The following KCNQ3 variants were observed in gnomAD, a reference collection of about 807,000 sequenced individuals.
KCNQ3 encodes the protein potassium voltage-gated channel subfamily KQT member 3.
A neutral mutation model predicts 92.5 loss-of-function variants in KCNQ3; 30 were observed. That is an observed-to-expected ratio of 0.32 (90% CI 0.24 to 0.44). The LOEUF is 0.44. Among genes scored for constraint, KCNQ3 ranks in the 20% least tolerant of loss-of-function variants. KCNQ3 has a pLI of 1.00. For synonymous variants in KCNQ3, 450 were observed against 468.8 expected (o/e 0.96, Z 0.52); for missense variants, 913 against 1,140.3 (o/e 0.80, Z 2.87).
At chr8:132,131,989 G>T (rs1824895315) in intron 14 of KCNQ3, among the ~76,000 whole-genome samples, 191 bp downstream of exon 14, 1 of 152,062 alleles carries the variant, frequency 6.6e-6, no homozygotes, top group African/African-American at 2.4e-5. Context: ...TCAGGAGGCT[G>T]AGGCAGGAGA....
At chr8:132,371,624 G>T (rs1819475553) in intron 1 of KCNQ3, among the ~76,000 whole-genome samples, 1 of 152,162 alleles carries the variant, frequency 6.6e-6, no homozygotes, top group Admixed American at 6.5e-5. Context: ...TTATAAGTGG[G>T]GACAAGTATC....
intron 1 of KCNQ3, among the ~76,000 whole-genome samples, chr8:132,285,555 T>A (rs1816655695): frequency 6.6e-6 from 1 of 152,198 alleles, no homozygotes; most frequent in Non-Finnish European, 1.5e-5. Context: ...CTGTTTACAG[T>A]GAGCTGCTAG....
At chr8:132,245,814 A>C (rs1007199571) in intron 1 of KCNQ3, among the ~76,000 whole-genome samples, 1 of 152,230 alleles carries the variant, frequency 6.6e-6, no homozygotes, top group Non-Finnish European at 1.5e-5. Flanking sequence ...ATCCTTGTAC[A>C]TGCCTTCCTA....
rs1476334493 is a variant in KCNQ3, at chr8:132,480,468, C to T, written c.65G>A (p.Gly22Asp). The T allele has an allele frequency of 8.0e-7, 1 of 1,247,582 alleles. No homozygotes were observed. Among genetic ancestry groups the T allele is most frequent in the Non-Finnish European group, 1.0e-6 (1 of 1,001,556 alleles). 77.3% of individuals were successfully genotyped at this position (1,247,582 alleles called of 1,614,324 possible). ...TCCGGCTGGGTTAGCCGCCCCGCCGCCTCCGCCGCCCCCGTCGCCGCCGCC... is the reference window on the plus strand; with the variant it reads ...TCCGGCTGGGTTAGCCGCCCCGCCGTCTCCGCCGCCCCCGTCGCCGCCGCC... Reference protein sequence around the residue: ...AGGGGDGGGGGGGAANPAGGD... With the variant: ...AGGGGDGGGGDGGAANPAGGD... The change falls in exon 1 of 15, where the codon GGC (glycine) becomes GAC (aspartate). Residue 22 changes from glycine (G) to aspartate (D), a missense_variant. By Grantham distance (94) the Gly-to-Asp change is moderately conservative. This residue lies in a region of KCNQ3 where 183 missense variants were observed against 167.7 expected (regional missense o/e 1.09). Transcript: ENST00000388996.
At chr8:132,273,763 T>C (rs1816238384) in intron 1 of KCNQ3, among the ~76,000 whole-genome samples, 1 of 152,242 alleles carries the variant, frequency 6.6e-6, no homozygotes, top group Admixed American at 6.5e-5. Flanking sequence ...TTCTGCCAGA[T>C]ACTCTAAATA....
chr8:132,298,062 CAG>C (rs951725446), intron 1 of KCNQ3, among the ~76,000 whole-genome samples: 11 of 152,184 alleles, frequency 7.2e-5, no homozygotes, highest in African/African-American at 2.7e-4. Flanking sequence ...ACCCAGACTG[CAG>C]AGTGTTCTGG....
chr8:132,169,079 A>G (rs889884335), intron 8 of KCNQ3, among the ~76,000 whole-genome samples: 2 of 152,166 alleles, frequency 1.3e-5, no homozygotes, highest in Non-Finnish European at 2.9e-5. Flanking sequence ...GAAAGCCTCC[A>G]GATGTAGCTG....
At position 132,278,091 on chromosome 8, in the gene KCNQ3, A is replaced by G. The variant is rs141321934; in HGVS notation, c.387-91910T>C. On this transcript the variant is annotated intron_variant, in intron 1 of 14. Coordinates refer to ENST00000388996, the MANE Select transcript of KCNQ3 (RefSeq NM_004519.4). ...CACCAAAATCTGTCCATCCTCAAAG[A>G]CCATGAGATTTCCACAGTACCACAT... 6.1e-6 allele frequency: 6 copies of G among 985,332 alleles called. No homozygotes were observed. The African/African-American group carries it at 7.0e-5, about 11-fold the overall frequency. The allele number at this position is 985,332 out of a possible 1,614,324, so 61.0% of individuals were successfully genotyped here.
intron 9 of KCNQ3, among the ~76,000 whole-genome samples, chr8:132,154,192 A>ATTTTTT (rs1563775830): frequency 9.6e-6 from 1 of 104,472 alleles, no homozygotes; most frequent in African/African-American, 3.3e-5. Context: ...AAAGGGTAAA[A>ATTTTTT]GTTTTTTTTT....
chr8:132,183,840 A>G (rs188241233), intron 3 of KCNQ3, among the ~76,000 whole-genome samples: 1 of 152,334 alleles, frequency 6.6e-6, no homozygotes, highest in East Asian at 1.9e-4. Flanking sequence ...TCAGCCAGCA[A>G]CGGTGTCACG....
intron 1 of KCNQ3, among the ~76,000 whole-genome samples, chr8:132,358,386 C>T (rs1819073249): frequency 6.6e-6 from 1 of 152,090 alleles, no homozygotes; most frequent in Non-Finnish European, 1.5e-5. Flanking sequence ...ACAGAGAATT[C>T]CTTTAGTCTC....
chr8:132,375,273 T>C (rs970243626), intron 1 of KCNQ3, among the ~76,000 whole-genome samples: 8 of 152,214 alleles, frequency 5.3e-5, no homozygotes, highest in African/African-American at 1.7e-4. Context: ...CCTGTTTGCA[T>C]AAATAACATA....
intron 1 of KCNQ3, among the ~76,000 whole-genome samples, chr8:132,323,584 G>A (rs116374763): frequency 0.017 from 2,637 of 152,216 alleles, 83 homozygotes; most frequent in African/African-American, 0.06. Flanking sequence ...GAAAATGGCC[G>A]TAGGTGCTAA....
chr8:132,393,515 G>A (rs954843563), intron 1 of KCNQ3, among the ~76,000 whole-genome samples: 6 of 152,150 alleles, frequency 3.9e-5, no homozygotes, highest in Admixed American at 2.6e-4. Context: ...GTGGTGAGTC[G>A]GGGCTGGCCT....
chr8:132,458,787 A>G (rs529271847), intron 1 of KCNQ3, among the ~76,000 whole-genome samples: 36 of 152,356 alleles, frequency 2.4e-4, no homozygotes, highest in Non-Finnish European at 4.9e-4. Flanking sequence ...AAATACTGAT[A>G]CTGTAGTACA....
chr8:132,327,304 A>G (rs568130121), intron 1 of KCNQ3, among the ~76,000 whole-genome samples: 9 of 152,170 alleles, frequency 5.9e-5, no homozygotes, highest in South Asian at 2.1e-4. Flanking sequence ...ACACTCTAAA[A>G]CCTTTTTTGC....
In KCNQ3 at chr8:132,129,813, T is replaced by A; in HGVS notation, c.2068A>T (p.Thr690Ser). The A allele has an allele frequency of 6.2e-7, 1 of 1,614,178 alleles. No individual in the cohort carries two copies. The highest frequency in any genetic ancestry group is 8.5e-7 in the Non-Finnish European group (1 of 1,180,020). The change falls in exon 15 of 15, where the codon ACA becomes TCA. Residue 690 changes from threonine (T) to serine (S), a missense_variant. Coordinates refer to ENST00000388996, the MANE Select transcript of KCNQ3 (RefSeq NM_004519.4). The surrounding 1 kb of genome is among the most constrained non-coding windows in gnomAD (Gnocchi z 5.9). The stretch of plus-strand genomic sequence containing the variant: ...CTGTAGGGTGGTTCCGGGGGGCCTG[T>A]CTCAGAATAGTTGCAGATGATGGTT... ...LKTIICNYSE[T>S]GPPEPPYSFH...
At position 132,125,164 on chromosome 8, in the gene KCNQ3, C is replaced by A. The variant is rs982894685; in HGVS notation, c.*4098G>T. 1 of 152,142 alleles carries A rather than the reference C, an allele frequency of 6.6e-6. No homozygotes were observed. Among genetic ancestry groups the A allele is most frequent in the Non-Finnish European group, 1.5e-5 (1 of 68,042 alleles). 9.4% of individuals were successfully genotyped at this position (152,142 alleles called of 1,614,324 possible). Reference sequence around the variant, plus strand: ...CTTCCTCAGATTCCCTAGAATCCCCCCTTTTTGCACAGCTTCTCTGGAGCT... The same window carrying A: ...CTTCCTCAGATTCCCTAGAATCCCCACTTTTTGCACAGCTTCTCTGGAGCT... On this transcript the variant is annotated 3_prime_UTR_variant, in exon 15 of 15. Transcript: ENST00000388996.
chr8:132,208,387 CT>C (rs1813736449), intron 1 of KCNQ3, among the ~76,000 whole-genome samples: 1 of 151,956 alleles, frequency 6.6e-6, no homozygotes, highest in African/African-American at 2.4e-5. Context: ...TTTGAGACCC[CT>C]AAGTTAAGGC....
Sources: allele counts gnomAD v4.1 joint callset (sites outside exome capture counted in the v4.1 genomes callset), GRCh38; gene constraint gnomAD v4.1.1; regional missense constraint gnomAD v4.1.1; non-coding constraint Gnocchi (gnomAD v3.1); transcripts MANE v1.5; gene names NCBI Gene and HGNC (gene_info 2026-07-23, HGNC 2026-07-21).